RBM41: variants seen among roughly 807,000 people sequenced by gnomAD.
RBM41 encodes RNA binding motif protein 41, also known as RNA-binding protein 41.
A neutral mutation model predicts 30.8 loss-of-function variants in RBM41; 14 were observed. The ratio of observed to expected loss-of-function variants is 0.45; its 90% CI spans 0.30 to 0.71. RBM41 has a LOEUF of 0.71. RBM41 is among the 30% of genes least tolerant of loss of function. RBM41 has a pLI of 0.08. For synonymous variants in RBM41, 120 were observed against 110.1 expected, an observed-to-expected ratio of 1.09 and a Z score of -0.56; for missense variants, 276 against 326.3, an observed-to-expected ratio of 0.85 and a Z score of 1.19.
chrX:107,073,184 C>T (rs950664114), intron 6 of RBM41, among the ~76,000 whole-genome samples: 3 of 111,676 alleles, frequency 2.7e-5, no homozygotes, highest in African/African-American at 9.7e-5. Flanking sequence ...TCAAAGGAAA[C>T]AACAGAGTGA....
At chrX:107,083,921 T>C (rs1286664706) in intron 6 of RBM41, among the ~76,000 whole-genome samples, 1 of 109,246 alleles carries the variant, frequency 9.2e-6, no homozygotes, top group African/African-American at 3.3e-5. Flanking sequence ...ATGTGTGTTT[T>C]TTTTTTTTTT....
intron 5 of RBM41, among the ~76,000 whole-genome samples, chrX:107,108,805 C>G (rs1483590467): frequency 9.0e-6 from 1 of 111,137 alleles, no homozygotes; most frequent in Non-Finnish European, 1.9e-5. Flanking sequence ...AGCAGCCTAT[C>G]TGAAACTGGA....
At chrX:107,083,327 G>C (rs1317953821) in intron 6 of RBM41, among the ~76,000 whole-genome samples, 5 of 111,093 alleles carry the variant, frequency 4.5e-5, no homozygotes, top group Non-Finnish European at 9.5e-5. Flanking sequence ...TTCTCTGGCT[G>C]TTTTTAAAAT....
chrX:107,091,778 C>G (rs1922559522), intron 5 of RBM41, among the ~76,000 whole-genome samples: 1 of 112,119 alleles, frequency 8.9e-6, no homozygotes, highest in South Asian at 3.7e-4. Flanking sequence ...AAGCACTGTT[C>G]TACAATTTAC....
intron 6 of RBM41, 53 bp from the exon 7 acceptor site, chrX:107,069,455 CTTTG>C (rs1393589337): frequency 2.7e-6 from 3 of 1,124,682 alleles, no homozygotes; most frequent in East Asian, 3.1e-5. Context: ...GTAAGGCACT[CTTTG>C]TTTTTTTCTT....
chrX:107,110,593 A>G (rs1424422631), intron 5 of RBM41, among the ~76,000 whole-genome samples: 1 of 111,619 alleles, frequency 9.0e-6, no homozygotes, highest in Non-Finnish European at 1.9e-5. Flanking sequence ...AGAAAAATCC[A>G]TTCTAAAATT....
the RBM41 span, among the ~76,000 whole-genome samples, chrX:107,053,346 G>A: frequency 8.8e-6 from 1 of 113,295 alleles, no homozygotes; most frequent in African/African-American, 3.2e-5. Context: ...CTGAGGGTAG[G>A]CAGACTATTC....
At chrX:107,113,049 G>C (rs754372363) in intron 5 of RBM41, among the ~76,000 whole-genome samples, 1 of 111,141 alleles carries the variant, frequency 9.0e-6, no homozygotes, top group African/African-American at 3.3e-5. Context: ...CATTTCAAAA[G>C]TAAGAAAATA....
At chrX:107,075,936 T>C (rs1474068490) in intron 6 of RBM41, among the ~76,000 whole-genome samples, 1 of 111,873 alleles carries the variant, frequency 8.9e-6, no homozygotes, top group Non-Finnish European at 1.9e-5. Context: ...CATTCCTATG[T>C]TCATCCCGGC....
rs1315020134 is a variant in RBM41, at chrX:107,062,571, C to T, written c.*4956G>A. On this transcript the variant is annotated 3_prime_UTR_variant, in exon 8 of 8. Coordinates refer to ENST00000685964, the MANE Select transcript of RBM41 (RefSeq NM_001324242.2). ...CCTGAGTATAGTCAGATGATATCCCCAGAGTAGGCCTGACAAATATTCTGG... is the reference window on the plus strand; with the variant it reads ...CCTGAGTATAGTCAGATGATATCCCTAGAGTAGGCCTGACAAATATTCTGG... 9.0e-6 allele frequency among the ~76,000 whole-genome samples: 1 copy of T among 110,562 alleles called. No homozygotes were observed. The highest frequency in any genetic ancestry group is 3.3e-5 in the African/African-American group (1 of 30,335).
chrX:107,080,439 G>A (rs1162422803), intron 6 of RBM41, among the ~76,000 whole-genome samples: 3 of 111,176 alleles, frequency 2.7e-5, no homozygotes, highest in African/African-American at 6.5e-5. Flanking sequence ...CTAGCTGGGC[G>A]TGGTGGCTCG....
At chrX:107,089,267 A>G (rs1052704272) in intron 5 of RBM41, among the ~76,000 whole-genome samples, 17 of 112,011 alleles carry the variant, frequency 1.5e-4, no homozygotes, top group Non-Finnish European at 2.8e-4. Context: ...ATCTCTTAAG[A>G]TACTTTTATT....
intron 5 of RBM41, among the ~76,000 whole-genome samples, chrX:107,110,471 C>A (rs1924373173): frequency 9.0e-6 from 1 of 111,097 alleles, no homozygotes; most frequent in African/African-American, 3.3e-5. Context: ...AATAGACATC[C>A]CATGTTCATG....
intron 6 of RBM41, among the ~76,000 whole-genome samples, chrX:107,087,968 G>C (rs894945332): frequency 8.9e-6 from 1 of 111,785 alleles, no homozygotes; most frequent in Non-Finnish European, 1.9e-5. Flanking sequence ...AGCAATTTAA[G>C]TCATATGTCA....
chrX:107,058,833 C>T (rs968058252), downstream of RBM41, among the ~76,000 whole-genome samples: 5 of 111,425 alleles, frequency 4.5e-5, no homozygotes, highest in African/African-American at 1.6e-4. Context: ...GGACCCTCTT[C>T]CAGGTTGCAG....
intron 5 of RBM41, among the ~76,000 whole-genome samples, chrX:107,096,176 G>C (rs1043149270): frequency 1.7e-4 from 19 of 112,196 alleles, no homozygotes; most frequent in African/African-American, 6.1e-4. Flanking sequence ...AATGATTAAA[G>C]ATCAGTTTTC....
Position 107,100,916 on chromosome X carries a change from A to G in RBM41, c.596-12077T>C, listed in dbSNP as rs148895396. Among the ~76,000 whole-genome samples the G allele has an allele frequency of 9.3e-3, 1,046 of 112,346 alleles. 14 individuals are homozygous for G. The highest frequency in any genetic ancestry group is 0.032 in the African/African-American group (985 of 30,914). On this transcript the variant is annotated intron_variant, in intron 5 of 7. Coordinates refer to ENST00000685964, the MANE Select transcript of RBM41 (RefSeq NM_001324242.2). ...TTCATATAAAGGAATACTATACTAT[A>G]CTTCAATGAAAATGAACTATGGCTA...
chrX:107,074,807 G>A (rs1288611973), intron 6 of RBM41, among the ~76,000 whole-genome samples: 1 of 111,905 alleles, frequency 8.9e-6, no homozygotes, highest in Non-Finnish European at 1.9e-5. Context: ...TCATGGATTA[G>A]AAGACTTAAT....
chrX:107,075,981 A>C (rs938757373), intron 6 of RBM41, among the ~76,000 whole-genome samples: 2 of 111,657 alleles, frequency 1.8e-5, no homozygotes, highest in Admixed American at 1.9e-4. Flanking sequence ...GAAAAACCTA[A>C]GTGTCCACTG....
Sources: allele counts gnomAD v4.1 joint callset (sites outside exome capture counted in the v4.1 genomes callset), GRCh38; gene constraint gnomAD v4.1.1; transcripts MANE v1.5; gene names NCBI Gene and HGNC (gene_info 2026-07-23, HGNC 2026-07-21).